Variants in MDGA2 observed in about 807,000 individuals in gnomAD.
The protein encoded by MDGA2 is MAM domain-containing glycosylphosphatidylinositol anchor protein 2.
Under a neutral mutation model 117.8 loss-of-function variants are expected in MDGA2, and 40 were observed. The ratio of observed to expected loss-of-function variants is 0.34; its 90% CI spans 0.26 to 0.44. MDGA2 has a LOEUF of 0.44. MDGA2 is among the 20% of genes least tolerant of loss of function. The pLI is 1.00. For missense variants in MDGA2, 1,123 were observed against 1,250.6 expected (o/e 0.90, Z 1.54); for synonymous variants, 452 against 439.0 (o/e 1.03, Z -0.37).
chr14:47,601,021 T>C (rs1427652347), intron 1 of MDGA2, among the ~76,000 whole-genome samples: 1 of 152,210 alleles, frequency 6.6e-6, no homozygotes, highest in Non-Finnish European at 1.5e-5. Context: ...AGTAACAGTA[T>C]AAGTATGTTT....
At chr14:47,319,543 A>G (rs1182619785) in intron 1 of MDGA2, among the ~76,000 whole-genome samples, 1 of 152,164 alleles carries the variant, frequency 6.6e-6, no homozygotes, top group African/African-American at 2.4e-5. Flanking sequence ...GAAGGTGCCA[A>G]GGGTATTTAA....
At chr14:47,065,007 T>C (rs1890029993) in intron 6 of MDGA2, among the ~76,000 whole-genome samples, 1 of 152,050 alleles carries the variant, frequency 6.6e-6, no homozygotes, top group Non-Finnish European at 1.5e-5. Flanking sequence ...AAATGCAATT[T>C]CTCAGTCTGA....
intron 1 of MDGA2, among the ~76,000 whole-genome samples, chr14:47,557,069 T>C (rs933137724): frequency 2.0e-5 from 3 of 152,308 alleles, no homozygotes; most frequent in East Asian, 1.9e-4. Context: ...GGAACAACCA[T>C]GCATTTGGAA....
chr14:46,867,873 C>T (rs1169444692), intron 14 of MDGA2, among the ~76,000 whole-genome samples: 1 of 151,450 alleles, frequency 6.6e-6, no homozygotes. Flanking sequence ...CTTTAGTTGC[C>T]AGAGCATATA....
At chr14:47,295,971 T>C (rs1889057894) in intron 2 of MDGA2, among the ~76,000 whole-genome samples, 1 of 151,464 alleles carries the variant, frequency 6.6e-6, no homozygotes, top group Non-Finnish European at 1.5e-5. Flanking sequence ...GATAGATAGA[T>C]AGATAGATAT....
chr14:46,852,810 C>A (rs1035414597), intron 15 of MDGA2, among the ~76,000 whole-genome samples: 16 of 151,880 alleles, frequency 1.1e-4, no homozygotes, highest in African/African-American at 3.9e-4. Flanking sequence ...TTAAAAGCAA[C>A]ACCTAAAATA....
intron 1 of MDGA2, among the ~76,000 whole-genome samples, chr14:47,379,684 T>C (rs1259562637): frequency 5.3e-5 from 8 of 152,148 alleles, no homozygotes; most frequent in African/African-American, 1.7e-4. Flanking sequence ...ATCCTAAACA[T>C]ATATGCACCC....
intron 2 of MDGA2, among the ~76,000 whole-genome samples, chr14:47,244,076 C>G (rs1351085239): frequency 1.3e-5 from 2 of 151,718 alleles, no homozygotes; most frequent in African/African-American, 2.4e-5. Flanking sequence ...ATTTAGCTCT[C>G]TCTTGTGAGA....
chr14:47,270,313 G>C (rs1888104313), intron 2 of MDGA2, among the ~76,000 whole-genome samples: 1 of 152,048 alleles, frequency 6.6e-6, no homozygotes, highest in Admixed American at 6.6e-5. Flanking sequence ...TCCTGATTGT[G>C]TCTAATAGAA....
intron 11 of MDGA2, among the ~76,000 whole-genome samples, chr14:46,877,956 G>T (rs754947690): frequency 6.6e-6 from 1 of 151,856 alleles, no homozygotes; most frequent in Non-Finnish European, 1.5e-5. Context: ...GAGTAAAGTA[G>T]AAAGTTCATG....
At chr14:47,588,043 A>G (rs76515815) in intron 1 of MDGA2, among the ~76,000 whole-genome samples, 2,185 of 151,780 alleles carry the variant, frequency 0.014, 46 homozygotes, top group African/African-American at 0.049. Context: ...ATTGTGGCAT[A>G]TATTATTACT....
intron 9 of MDGA2, among the ~76,000 whole-genome samples, chr14:46,929,717 C>T (rs1884494326): frequency 7.2e-6 from 1 of 139,258 alleles, no homozygotes; most frequent in African/African-American, 2.7e-5. Flanking sequence ...ATGGTGCGAT[C>T]TTGGCTCACT....
chr14:47,365,880 A>G (rs914879110), intron 1 of MDGA2, among the ~76,000 whole-genome samples: 1 of 152,262 alleles, frequency 6.6e-6, no homozygotes, highest in African/African-American at 2.4e-5. Flanking sequence ...AGGCATATTC[A>G]TTCTTTTAAT....
intron 1 of MDGA2, among the ~76,000 whole-genome samples, chr14:47,490,519 T>C (rs1174549802): frequency 6.6e-5 from 10 of 152,058 alleles, no homozygotes; most frequent in African/African-American, 2.4e-4. Flanking sequence ...TCAAATCAGG[T>C]GGTGTAGTCT....
intron 1 of MDGA2, among the ~76,000 whole-genome samples, chr14:47,468,823 C>A (rs975916560): frequency 9.5e-4 from 144 of 152,148 alleles, no homozygotes; most frequent in African/African-American, 3.3e-3. Context: ...CATCTCATTG[C>A]AAACTGTGTG....
intron 1 of MDGA2, among the ~76,000 whole-genome samples, chr14:47,436,832 G>A (rs1236708668): frequency 6.6e-6 from 1 of 152,128 alleles, no homozygotes; most frequent in Non-Finnish European, 1.5e-5. Flanking sequence ...CTTGAGGAAA[G>A]CATTAGCTCA....
intron 3 of MDGA2, among the ~76,000 whole-genome samples, chr14:47,170,284 G>A (rs1426206427): frequency 5.9e-5 from 9 of 152,132 alleles, no homozygotes; most frequent in Non-Finnish European, 1.3e-4. Flanking sequence ...ACAGCAATAA[G>A]AAATTGTTTG....
rs550882457 is a variant in MDGA2 at position 46,980,456 on chromosome 14, T to C, written c.1820-22813A>G. Among the ~76,000 whole-genome samples, 251 of 152,322 alleles carry C rather than the reference T, an allele frequency of 1.6e-3. 1 individual carries two copies. Among genetic ancestry groups the C allele is most frequent in the Non-Finnish European group, 2.9e-3 (200 of 68,030 alleles). ...AAGATGCCGTGAACATTGTTGAAAT[T>C]ACCACGAAGGATTTAGAACATTACA... On this transcript the variant is annotated intron_variant, in intron 8 of 16. Transcript: ENST00000399232.
At chr14:47,567,582 A>G in intron 1 of MDGA2, among the ~76,000 whole-genome samples, 1 of 152,142 alleles carries the variant, frequency 6.6e-6, no homozygotes, top group East Asian at 1.9e-4. Flanking sequence ...TTCCATTATG[A>G]GATCCAGTGT....
Sources: allele counts gnomAD v4.1 joint callset (sites outside exome capture counted in the v4.1 genomes callset), GRCh38; gene constraint gnomAD v4.1.1; transcripts MANE v1.5; gene names NCBI Gene and HGNC (gene_info 2026-07-23, HGNC 2026-07-21).